Variants in RIPK3 observed in about 807,000 individuals in gnomAD.
The protein encoded by RIPK3 is receptor interacting serine/threonine kinase 3, also known as receptor-interacting serine/threonine-protein kinase 3.
Under a neutral mutation model 51.6 loss-of-function variants are expected in RIPK3, and 51 were observed. The ratio of observed to expected loss-of-function variants is 0.99; its 90% CI spans 0.79 to 1.25. The LOEUF is 1.25. Ranked by LOEUF, RIPK3 falls within the 50% of genes most tolerant of loss-of-function variation. RIPK3 has a pLI of 0.00. For synonymous variants in RIPK3, 246 were observed against 257.7 expected (o/e 0.95, Z 0.44); for missense variants, 654 against 650.4 (o/e 1.01, Z -0.06).
intron 7 of RIPK3, 43 bp from the exon 8 acceptor site, chr14:24,337,503 C>T: frequency 6.2e-7 from 1 of 1,610,160 alleles, no homozygotes; most frequent in Admixed American, 1.7e-5. Flanking sequence ...CTTGGATGAG[C>T]CAGAGTAAAC....
chr14:24,339,022 T>C lies in RIPK3; in HGVS notation c.464A>G (p.His155Arg). Residue 155 changes from histidine (H) to arginine (R), a missense_variant, in exon 3 of 10, where the codon CAC becomes CGC. Physicochemically the swap from His to Arg is conservative, Grantham distance 29. Coordinates refer to ENST00000216274, the MANE Select transcript of RIPK3 (RefSeq NM_006871.4). The surrounding 1 kb of genome is among the most constrained non-coding windows in gnomAD (Gnocchi z 4.0). ...GGGTGTAGACCAGCTGACCTTGACG[T>C]GCAGCTCTGGGTCCAGCAGGACGTT... Reference protein sequence around the residue: ...PSNVLLDPELHVKLADFGLST... With the variant: ...PSNVLLDPELRVKLADFGLST... The C allele has an allele frequency of 6.2e-7, 1 of 1,612,640 alleles. No homozygotes were observed. The highest frequency in any genetic ancestry group is 8.5e-7 in the Non-Finnish European group (1 of 1,178,652).
rs774277116 is a variant in RIPK3 at position 24,337,079 on chromosome 14, G to A, written c.1275+7C>T. The A allele has an allele frequency of 6.2e-7, 1 of 1,612,544 alleles. No homozygotes were observed. The highest frequency in any genetic ancestry group is 8.5e-7 in the Non-Finnish European group (1 of 1,179,790). On this transcript the variant is annotated splice_region_variant and intron_variant, in intron 8 of 9. Transcript: ENST00000216274. ...TAGTGCATCCCCTAATCCTGTCAAT[G>A]TCTCACCTGATTCCCTCGGGGTCCA...
Position 24,338,579 on chromosome 14 carries a change from G to A in RIPK3, c.472-12C>T. On this transcript the variant is annotated splice_polypyrimidine_tract_variant and intron_variant, in intron 3 of 9. Transcript: ENST00000216274. The stretch of plus-strand genomic sequence containing the variant: ...CCAAAATCTGCCAGCTGCAAAGGAA[G>A]GAAAGAAGTGGGAGGTAGGGAAGAC... 3.8e-6 allele frequency: 6 copies of A among 1,591,128 alleles called. No homozygotes were observed. The highest frequency in any genetic ancestry group is 5.2e-6 in the Non-Finnish European group (6 of 1,162,758).
chr14:24,338,173 G>A (rs548560925), intron 5 of RIPK3, 76 bp downstream of exon 5: 42 of 1,546,890 alleles, frequency 2.7e-5, no homozygotes, highest in African/African-American at 4.1e-5. Flanking sequence ...GTAGGTGAGC[G>A]GGAAGGGGAA....
In RIPK3 at chr14:24,336,905, G is replaced by A. The variant is rs761892313; in HGVS notation, c.1316C>T (p.Pro439Leu). The A allele has an allele frequency of 7.8e-5, 126 of 1,613,812 alleles. No homozygotes were observed. The highest frequency in any genetic ancestry group is 1.0e-4 in the Non-Finnish European group (118 of 1,179,844). ...GGTACCTGTTACTGGATTTGGCTCC[G>A]GGGTCCTGCAGGACCAGTTCATGCC... The part of the protein sequence containing the change: ...RQGMNWSCRT[P>L]EPNPVTGRPL... The change falls in exon 9 of 10, where the codon CCG (proline) becomes CTG (leucine). Residue 439 changes from proline (P) to leucine (L), a missense_variant. Physicochemically the swap from Pro to Leu is moderately conservative, Grantham distance 98. Transcript: ENST00000216274.
rs773957885 is a variant in RIPK3 at position 24,339,075 on chromosome 14, CACCG to C, written c.407_410del (p.Pro136ArgfsTer58). The C allele has an allele frequency of 9.9e-6, 16 of 1,614,082 alleles. No homozygotes were observed. In the South Asian group the frequency reaches 1.6e-4, roughly 17 times the overall value. On this transcript the variant is annotated frameshift_variant, in exon 3 of 10. Transcript: ENST00000216274. LOFTEE classifies it high-confidence loss of function. This position sits in a 1 kb window ranked among gnomAD's most constrained non-coding sequence, Gnocchi z 4.0. ...ATGGCTTGAGGTCCCGGTGCAGGAG[CACCG>C]GGTTCTGGTCGTGCAGGTAAAACAT...
Position 24,339,050 on chromosome 14 carries a change from A to AT in RIPK3, c.435dup (p.Ser146IlefsTer48). 1 of 1,614,122 alleles carries AT rather than the reference A, an allele frequency of 6.2e-7. No homozygotes were observed. The highest frequency in any genetic ancestry group is 1.1e-5 in the South Asian group (1 of 91,088). ...AGCTCTGGGTCCAGCAGGACGTTGG[A>AT]TGGCTTGAGGTCCCGGTGCAGGAGC... is the stretch of plus-strand genomic sequence containing the variant. On this transcript the variant is annotated frameshift_variant, in exon 3 of 10. Coordinates refer to ENST00000216274, the MANE Select transcript of RIPK3 (RefSeq NM_006871.4). LOFTEE classifies it high-confidence loss of function. This position sits in a 1 kb window ranked among gnomAD's most constrained non-coding sequence, Gnocchi z 4.0.
rs2042170761 is a variant in RIPK3, at chr14:24,339,621, A to G, written c.21-24T>C. 1.2e-6 allele frequency: 2 copies of G among 1,613,238 alleles called. No homozygotes were observed. Among genetic ancestry groups the G allele is most frequent in the Non-Finnish European group, 1.7e-6 (2 of 1,179,544 alleles). ...GCCTGAGAGAGGGGTGTCGCCCACTAGCCGGCCGTGCCGTGCCTCAGCGCT... is the reference window on the plus strand; with the variant it reads ...GCCTGAGAGAGGGGTGTCGCCCACTGGCCGGCCGTGCCGTGCCTCAGCGCT... On this transcript the variant is annotated intron_variant, in intron 1 of 9. Coordinates refer to ENST00000216274, the MANE Select transcript of RIPK3 (RefSeq NM_006871.4). The surrounding 1 kb of genome is among the most constrained non-coding windows in gnomAD (Gnocchi z 4.0).
At chr14:24,337,605 C>T in intron 7 of RIPK3, 90 bp downstream of exon 7, 2 of 1,539,038 alleles carry the variant, frequency 1.3e-6, no homozygotes, top group Non-Finnish European at 1.8e-6. Flanking sequence ...GCATAAAAAG[C>T]AGTGGTCAGT....
chr14:24,338,786 G>T, intron 3 of RIPK3: 2 of 708,944 alleles, frequency 2.8e-6, no homozygotes, highest in Non-Finnish European at 4.6e-6. Context: ...CTTTGGAGGG[G>T]CTGGTGGGGC....
Position 24,336,257 on chromosome 14 carries a change from G to A in RIPK3, c.1475C>T (p.Pro492Leu), listed in dbSNP as rs3212254. 5.0e-6 allele frequency: 8 copies of A among 1,612,724 alleles called. No homozygotes were observed. The Admixed American group carries it at 6.7e-5, about 13-fold the overall frequency. The change falls in exon 10 of 10, where the codon CCA becomes CTA. Residue 492 changes from proline to leucine, a missense_variant. Pro to Leu is a moderately conservative substitution (Grantham distance 98). Transcript: ENST00000216274. ...SGKGRGLQHP[P>L]PVGSQEGPKD... ...AGGGCCTTCTTGCGAACCTACTGGT[G>A]GGGGGTGCTGCAAGCCCCTCCCCTT...
intron 5 of RIPK3, 27 bp downstream of exon 5, chr14:24,338,222 G>A: frequency 6.5e-7 from 1 of 1,532,476 alleles, no homozygotes; most frequent in Non-Finnish European, 8.8e-7. Flanking sequence ...TGGGGTTAAG[G>A]ATCCCAGAAT....
intron 3 of RIPK3, 85 bp downstream of exon 3, chr14:24,338,930 C>G: frequency 9.2e-7 from 1 of 1,088,926 alleles, no homozygotes; most frequent in Non-Finnish European, 1.4e-6. Flanking sequence ...ATAGACAGGG[C>G]TCTGGAGGTC....
intron 9 of RIPK3, 54 bp from the exon 10 acceptor site, chr14:24,336,449 G>A (rs1281731344): frequency 6.3e-7 from 1 of 1,584,008 alleles, no homozygotes. Flanking sequence ...GAAAGGCCAA[G>A]TTGGGGGTGG....
intron 5 of RIPK3, 34 bp downstream of exon 5, chr14:24,338,215 G>A (rs377606564): frequency 5.0e-5 from 76 of 1,530,370 alleles, no homozygotes; most frequent in Non-Finnish European, 6.2e-5. Flanking sequence ...GGGCACCTGG[G>A]GTTAAGGATC....
At position 24,339,022 on chromosome 14, in the gene RIPK3, T is replaced by G; in HGVS notation, c.464A>C (p.His155Pro). Residue 155 changes from histidine to proline, a missense_variant, in exon 3 of 10, where the codon CAC becomes CCC. His to Pro is a moderately conservative substitution (Grantham distance 77, BLOSUM62 -2). Transcript: ENST00000216274. The surrounding 1 kb of genome is among the most constrained non-coding windows in gnomAD (Gnocchi z 4.0). Reference sequence around the variant, plus strand: ...GGGTGTAGACCAGCTGACCTTGACGTGCAGCTCTGGGTCCAGCAGGACGTT... The same window carrying G: ...GGGTGTAGACCAGCTGACCTTGACGGGCAGCTCTGGGTCCAGCAGGACGTT... Reference protein sequence around the residue: ...PSNVLLDPELHVKLADFGLST... With the variant: ...PSNVLLDPELPVKLADFGLST... The G allele has an allele frequency of 1.2e-6, 2 of 1,612,640 alleles. No homozygotes were observed. Among genetic ancestry groups the G allele is most frequent in the South Asian group, 2.2e-5 (2 of 91,048 alleles).
chr14:24,338,877 C>G, intron 3 of RIPK3, 138 bp downstream of exon 3: 1 of 755,976 alleles, frequency 1.3e-6, no homozygotes, highest in East Asian at 2.7e-5. Flanking sequence ...GGGCTTTGTC[C>G]CCTGGCAGCC....
rs373410782 is a variant in RIPK3, at chr14:24,338,292, G to A, written c.621C>T (p.Phe207=). The A allele has an allele frequency of 2.6e-5, 39 of 1,524,466 alleles. No homozygotes were observed. Among genetic ancestry groups the A allele is most frequent in the East Asian group, 9.1e-5 (4 of 44,056 alleles). The allele number at this position is 1,524,466 out of a possible 1,614,324, so 94.4% of individuals were successfully genotyped here. A position where few individuals can be genotyped will look rare whatever the true frequency, so the allele number is the denominator to read the frequency against. The change falls in exon 5 of 10, where the codon TTC becomes TTT. Residue 207 remains phenylalanine, a synonymous_variant. Coordinates refer to ENST00000216274, the MANE Select transcript of RIPK3 (RefSeq NM_006871.4). ...KASTASDVYS[F]GILMWAVLAG... ...CAAGCACTGCCCACATTAGGATCCC[G>A]AAGCTGCAGGAGACACAAAGCTGAG...
intron 5 of RIPK3, 100 bp from the exon 6 acceptor site, chr14:24,338,140 G>A (rs765466321): frequency 5.1e-6 from 8 of 1,576,854 alleles, no homozygotes; most frequent in East Asian, 4.5e-5. Flanking sequence ...GTGGGGGCAC[G>A]AGGAGGGAGG....
Sources: allele counts gnomAD v4.1 joint callset, GRCh38; gene constraint gnomAD v4.1.1; non-coding constraint Gnocchi (gnomAD v3.1); transcripts MANE v1.5; gene names NCBI Gene and HGNC (gene_info 2026-07-23, HGNC 2026-07-21).